Variants in LRRC69 observed in about 807,000 individuals in gnomAD.
The protein encoded by LRRC69 is leucine rich repeat containing 69.
Under a neutral mutation model 37.8 loss-of-function variants are expected in LRRC69, and 42 were observed. That is an observed-to-expected ratio of 1.11 (90% CI 0.87 to 1.44). The LOEUF is 1.44. Among genes scored for constraint, LRRC69 ranks in the 40% most tolerant of loss-of-function variants. The pLI, the probability that LRRC69 is intolerant of heterozygous loss-of-function variation, is 0.00. For missense variants in LRRC69, 357 were observed against 401.9 expected (o/e 0.89, Z 0.96); for synonymous variants, 141 against 143.1 (o/e 0.99, Z 0.11).
chr8:91,142,549 G>C (rs925946222), intron 5 of LRRC69, among the ~76,000 whole-genome samples: 14 of 152,014 alleles, frequency 9.2e-5, no homozygotes, highest in African/African-American at 3.1e-4. Context: ...CCTCAAACTT[G>C]AATGTGCATC....
chr8:91,137,818 C>A (rs1157958743), intron 5 of LRRC69, among the ~76,000 whole-genome samples: 1 of 151,854 alleles, frequency 6.6e-6, no homozygotes, highest in Non-Finnish European at 1.5e-5. Context: ...AACTGGTGGA[C>A]CTAGAGGAGA....
intron 5 of LRRC69, among the ~76,000 whole-genome samples, chr8:91,179,847 T>A (rs6994793): frequency 0.68 from 102,862 of 152,066 alleles, 35,254 homozygotes; most frequent in African/African-American, 0.74. Flanking sequence ...TGTAAAAAGT[T>A]ACATTGAATT....
At chr8:91,128,703 TTGAG>T (rs1039518897) in intron 3 of LRRC69, among the ~76,000 whole-genome samples, 2 of 151,952 alleles carry the variant, frequency 1.3e-5, no homozygotes, top group Non-Finnish European at 2.9e-5. Flanking sequence ...GGTATTAGGG[TTGAG>T]TAAGTGCTCA....
intron 5 of LRRC69, among the ~76,000 whole-genome samples, chr8:91,147,048 T>C (rs1338634705): frequency 6.6e-6 from 1 of 151,512 alleles, no homozygotes; most frequent in Non-Finnish European, 1.5e-5. Flanking sequence ...TGACTATTTC[T>C]TTGTGTTCTC....
At chr8:91,137,269 A>G (rs1403622660) in intron 5 of LRRC69, among the ~76,000 whole-genome samples, 2 of 151,910 alleles carry the variant, frequency 1.3e-5, no homozygotes, top group Non-Finnish European at 2.9e-5. Flanking sequence ...TTCTGGTGCC[A>G]CTTCTTCTAT....
chr8:91,127,474 A>G (rs1257457999), intron 3 of LRRC69, among the ~76,000 whole-genome samples: 4 of 151,872 alleles, frequency 2.6e-5, no homozygotes, highest in African/African-American at 9.7e-5. Flanking sequence ...TGGGCACATT[A>G]AATGTTATTT....
intron 6 of LRRC69, among the ~76,000 whole-genome samples, chr8:91,195,185 T>C (rs1461474214): frequency 6.6e-6 from 1 of 151,858 alleles, no homozygotes. Flanking sequence ...GAGTTCTAGT[T>C]TGATTGCACT....
Position 91,189,572 on chromosome 8 carries a change from C to T in LRRC69, c.702C>T (p.Phe234=), listed in dbSNP as rs1055465105. Residue 234 remains phenylalanine (F), a synonymous_variant, in exon 6 of 8, where the codon TTC becomes TTT. Coordinates refer to ENST00000448384, the Ensembl canonical transcript of LRRC69. ...TCTACTGTGAGGGAAACCCACTGTT[C>T]CTGCAGCAGCCAGTGATTTCTACAC... 139 of 1,551,084 alleles carry T rather than the reference C, an allele frequency of 9.0e-5. No homozygotes were observed. In the Admixed American group the frequency reaches 2.7e-3, roughly 30 times the overall value.
At chr8:91,136,394 C>CT (rs1314377978) in intron 5 of LRRC69, among the ~76,000 whole-genome samples, 4 of 151,784 alleles carry the variant, frequency 2.6e-5, no homozygotes, top group Non-Finnish European at 5.9e-5. Context: ...AGGTTTCAGT[C>CT]TTTTTTTACC....
intron 7 of LRRC69, among the ~76,000 whole-genome samples, chr8:91,213,366 G>A (rs1809971918): frequency 6.6e-6 from 1 of 152,148 alleles, no homozygotes; most frequent in Admixed American, 6.6e-5. Context: ...CAGGAAACCA[G>A]GACTGTCCTT....
At chr8:91,194,491 T>A (rs2130618081) in intron 6 of LRRC69, among the ~76,000 whole-genome samples, 2 of 152,164 alleles carry the variant, frequency 1.3e-5, no homozygotes, top group South Asian at 4.1e-4. Flanking sequence ...CTCTTTTTGG[T>A]TAGTAAGCTA....
chr8:91,103,503 T>C (rs775612435), intron 1 of LRRC69, among the ~76,000 whole-genome samples: 25 of 152,026 alleles, frequency 1.6e-4, no homozygotes, highest in Non-Finnish European at 2.6e-4. Context: ...CTGCCAAAAA[T>C]CTTGAGGTTG....
At chr8:91,208,907 C>A (rs1038645527) in intron 7 of LRRC69, among the ~76,000 whole-genome samples, 1 of 152,110 alleles carries the variant, frequency 6.6e-6, no homozygotes, top group Non-Finnish European at 1.5e-5. Context: ...GTTGAAGTCC[C>A]TTTTGTTTGC....
intron 5 of LRRC69, among the ~76,000 whole-genome samples, chr8:91,147,431 C>T (rs1047306170): frequency 6.6e-6 from 1 of 150,852 alleles, no homozygotes; most frequent in African/African-American, 2.4e-5. Flanking sequence ...ATCCATCTGA[C>T]TATTCTTTTT....
intron 7 of LRRC69, chr8:91,206,719 CA>C (rs1348053424): frequency 2.3e-6 from 3 of 1,289,728 alleles, no homozygotes; most frequent in Admixed American, 4.6e-5. Context: ...CAAGCAACAA[CA>C]GCCAGAATTT....
At chr8:91,187,639 A>AACCTTC (rs1809426861) in intron 5 of LRRC69, among the ~76,000 whole-genome samples, 2 of 152,112 alleles carry the variant, frequency 1.3e-5, no homozygotes, top group South Asian at 4.1e-4. Context: ...GGACATTTCA[A>AACCTTC]ACCTTCACTG....
intron 5 of LRRC69, among the ~76,000 whole-genome samples, chr8:91,136,443 T>C (rs1176549111): frequency 6.6e-6 from 1 of 151,946 alleles, no homozygotes; most frequent in Non-Finnish European, 1.5e-5. Context: ...AATTCAAATA[T>C]AAAAAAATGA....
chr8:91,158,520 G>T, intron 5 of LRRC69: 1 of 1,121,994 alleles, frequency 8.9e-7, no homozygotes, highest in Non-Finnish European at 1.4e-6. Flanking sequence ...GCCAATGGGC[G>T]ATGAAATAGA....
At chr8:91,112,904 A>G (rs1425821006) in intron 1 of LRRC69, among the ~76,000 whole-genome samples, 1 of 152,038 alleles carries the variant, frequency 6.6e-6, no homozygotes, top group East Asian at 1.9e-4. Flanking sequence ...ACATACTAAA[A>G]ATCAATCATA....
Sources: allele counts gnomAD v4.1 joint callset (sites outside exome capture counted in the v4.1 genomes callset), GRCh38; gene constraint gnomAD v4.1.1; transcripts MANE v1.5; gene names NCBI Gene and HGNC (gene_info 2026-07-23, HGNC 2026-07-21).